The following RBFOX3 variants were observed in gnomAD, a reference collection of about 807,000 sequenced individuals.
The protein encoded by RBFOX3 is RNA binding protein fox-1 homolog 3.
A neutral mutation model predicts 48.7 loss-of-function variants in RBFOX3; 17 were observed. The ratio of observed to expected loss-of-function variants is 0.35; its 90% CI spans 0.24 to 0.52. The LOEUF (loss-of-function observed/expected upper bound fraction) is 0.52. RBFOX3 is among the 20% of genes least tolerant of loss of function. The pLI, the probability that RBFOX3 is intolerant of heterozygous loss-of-function variation, is 0.94. For synonymous variants in RBFOX3, 212 were observed against 209.5 expected, an observed-to-expected ratio of 1.01 and a Z score of -0.10; for missense variants, 382 against 497.5, an observed-to-expected ratio of 0.77 and a Z score of 2.21.
chr17:79,293,606 C>A (rs536218063), intron 3 of RBFOX3, among the ~76,000 whole-genome samples: 122 of 152,018 alleles, frequency 8.0e-4, no homozygotes, highest in Non-Finnish European at 8.5e-4. Flanking sequence ...ACTTGCACCA[C>A]CATGCCTGGC....
rs978887203 is a variant in RBFOX3, at chr17:79,605,571, G to A, written c.-320+5255C>T. ...GTAGGGAGACGGCCAGGTACAGAGC[G>A]GTTGCTCCGCCTAGGCCTCTGTTCT... On this transcript the variant is annotated intron_variant, in intron 1 of 14. Coordinates refer to ENST00000693108, the MANE Select transcript of RBFOX3 (RefSeq NM_001350451.2). Among the ~76,000 whole-genome samples the A allele has an allele frequency of 2.0e-4, 30 of 152,182 alleles. 1 individual carries two copies. Among genetic ancestry groups the A allele is most frequent in the African/African-American group, 6.5e-4 (27 of 41,456 alleles).
intron 1 of RBFOX3, among the ~76,000 whole-genome samples, chr17:79,567,180 C>CTTTTTT (rs1159762873): frequency 3.3e-5 from 3 of 92,076 alleles, no homozygotes; most frequent in Non-Finnish European, 6.1e-5. Flanking sequence ...TTCTTTCTTT[C>CTTTTTT]TTTTTTTTTT....
intron 2 of RBFOX3, among the ~76,000 whole-genome samples, chr17:79,343,290 C>T (rs2082379451): frequency 6.6e-6 from 1 of 152,102 alleles, no homozygotes; most frequent in African/African-American, 2.4e-5. Context: ...CTTTGGGAGG[C>T]CTAGGAGGGT....
chr17:79,394,756 C>T (rs2061780884), intron 2 of RBFOX3, among the ~76,000 whole-genome samples: 1 of 152,234 alleles, frequency 6.6e-6, no homozygotes, highest in South Asian at 2.1e-4. Flanking sequence ...CTGACCCACA[C>T]ATCTCTCTCC....
Position 79,136,669 on chromosome 17 carries a change from C to T in RBFOX3, c.-33-20921G>A, listed in dbSNP as rs983481286. The stretch of plus-strand genomic sequence containing the variant: ...AGATGGGGAAGGTGCTGGGAAGCAC[C>T]GGGAACCTGCTGATCCTCACCCGGA... On this transcript the variant is annotated intron_variant, in intron 4 of 14. Transcript: ENST00000693108. 9.2e-5 allele frequency among the ~76,000 whole-genome samples: 14 copies of T among 152,256 alleles called. No homozygotes were observed. The East Asian group carries it at 9.7e-4, about 11-fold the overall frequency.
At chr17:79,227,959 C>T (rs1370844831) in intron 4 of RBFOX3, among the ~76,000 whole-genome samples, 1 of 152,304 alleles carries the variant, frequency 6.6e-6, no homozygotes, top group East Asian at 1.9e-4. Flanking sequence ...GTGGACCTCC[C>T]CCTACGAATC....
At chr17:79,274,105 TG>T (rs1287861439) in intron 3 of RBFOX3, among the ~76,000 whole-genome samples, 1 of 152,134 alleles carries the variant, frequency 6.6e-6, no homozygotes, top group Non-Finnish European at 1.5e-5. Context: ...GAGAAGGCGG[TG>T]TGCCCTGGCC....
the RBFOX3 span, among the ~76,000 whole-genome samples, chr17:79,663,750 T>C: frequency 1.3e-5 from 2 of 151,100 alleles, no homozygotes; most frequent in South Asian, 2.1e-4. Context: ...TTAAATTGCA[T>C]TGGAAGTTAT....
chr17:79,384,121 G>A (rs375289217), intron 2 of RBFOX3, among the ~76,000 whole-genome samples: 19 of 152,338 alleles, frequency 1.2e-4, no homozygotes, highest in Non-Finnish European at 1.0e-4. Flanking sequence ...GGCTCAGGGC[G>A]AGGGCTGTGG....
chr17:79,127,439 A>G (rs935278202), intron 4 of RBFOX3, among the ~76,000 whole-genome samples: 16 of 152,192 alleles, frequency 1.1e-4, no homozygotes, highest in African/African-American at 3.9e-4. Flanking sequence ...GAACAGAAGA[A>G]CAGGCATTTC....
At chr17:79,273,013 G>A (rs2068016635) in intron 3 of RBFOX3, among the ~76,000 whole-genome samples, 1 of 152,152 alleles carries the variant, frequency 6.6e-6, no homozygotes, top group Non-Finnish European at 1.5e-5. Context: ...CACGTTTCAA[G>A]GGGCGCCATG....
At chr17:79,306,207 C>T (rs568638990) in intron 3 of RBFOX3, among the ~76,000 whole-genome samples, 5 of 152,310 alleles carry the variant, frequency 3.3e-5, no homozygotes, top group African/African-American at 7.2e-5. Flanking sequence ...GCTGGGTGGC[C>T]GTGACCTCCC....
chr17:79,609,992 G>C (rs1301447209), intron 1 of RBFOX3, among the ~76,000 whole-genome samples: 4 of 151,860 alleles, frequency 2.6e-5, no homozygotes, highest in African/African-American at 9.7e-5. Flanking sequence ...CGCGCTGCTC[G>C]AGGCCCTGGG....
chr17:79,649,587 T>A, the RBFOX3 span, among the ~76,000 whole-genome samples: 3 of 152,166 alleles, frequency 2.0e-5, no homozygotes, highest in East Asian at 5.8e-4. Context: ...AGGCCTGTAA[T>A]CCCAGCTACT....
chr17:79,632,377 C>T, the RBFOX3 span, among the ~76,000 whole-genome samples: 5 of 152,158 alleles, frequency 3.3e-5, no homozygotes, highest in South Asian at 2.1e-4. Flanking sequence ...ACAAAGTCCT[C>T]TTCGGGATCC....
At chr17:79,266,734 C>T (rs1158257541) in intron 3 of RBFOX3, among the ~76,000 whole-genome samples, 2 of 152,096 alleles carry the variant, frequency 1.3e-5, no homozygotes, top group Non-Finnish European at 2.9e-5. Flanking sequence ...AGATGGAGTT[C>T]AATCAGGTGT....
chr17:79,506,077 G>C (rs2083071974), intron 1 of RBFOX3, among the ~76,000 whole-genome samples: 1 of 152,222 alleles, frequency 6.6e-6, no homozygotes, highest in African/African-American at 2.4e-5. Flanking sequence ...CCCAGGCTAA[G>C]AATAACAGAG....
chr17:79,241,216 G>A (rs2062325972), intron 3 of RBFOX3, among the ~76,000 whole-genome samples: 1 of 146,482 alleles, frequency 6.8e-6, no homozygotes, highest in African/African-American at 2.5e-5. Flanking sequence ...GTCTCAGTAT[G>A]TTGCCCAGGT....
At chr17:79,213,196 A>C (rs2147176766) in intron 4 of RBFOX3, among the ~76,000 whole-genome samples, 1 of 152,266 alleles carries the variant, frequency 6.6e-6, no homozygotes, top group Admixed American at 6.5e-5. Context: ...AAGAGGATAA[A>C]GTTCCCCTGT....
Sources: gnomAD v4.1 joint callset for allele counts (sites outside exome capture counted in the v4.1 genomes callset) on GRCh38, gnomAD v4.1.1 for gene constraint, MANE v1.5 for transcripts, NCBI Gene and HGNC (gene_info 2026-07-23, HGNC 2026-07-21) for gene names.